MTA1: variants seen among roughly 807,000 people sequenced by gnomAD.
MTA1 encodes the protein metastasis associated 1, also known as metastasis-associated protein MTA1.
In MTA1, 15 loss-of-function variants were observed where a neutral mutation model predicts 97.0. The observed-to-expected ratio is 0.15, with a 90% CI of 0.10 to 0.24. The LOEUF is 0.24. Ranked by LOEUF, MTA1 falls within the 10% of genes least tolerant of loss-of-function variation. The pLI is 1.00. For missense variants in MTA1, 709 were observed against 1,015.1 expected, an observed-to-expected ratio of 0.70 and a Z score of 4.10; for synonymous variants, 435 against 417.5, an observed-to-expected ratio of 1.04 and a Z score of -0.51.
chr14:105,443,262 G>A (rs1310852552), intron 2 of MTA1, among the ~76,000 whole-genome samples: 2 of 152,196 alleles, frequency 1.3e-5, no homozygotes, highest in African/African-American at 4.8e-5. Context: ...ATACAGATGC[G>A]AAGGGGAGAG....
At chr14:105,465,036 C>A in intron 15 of MTA1, 58 bp from the exon 16 acceptor site, 2 of 1,453,428 alleles carry the variant, frequency 1.4e-6, no homozygotes, top group Non-Finnish European at 1.8e-6. Context: ...AAGGCGCAGG[C>A]AGGGTCCCGT....
chr14:105,422,276 G>C lies in MTA1; in HGVS notation c.28+2213G>C, dbSNP rs1328841588. On this transcript the variant is annotated intron_variant, in intron 1 of 20. Transcript: ENST00000331320. The surrounding 1 kb of genome is among the most constrained non-coding windows in gnomAD (Gnocchi z 4.3). ...GGCAGGACCCCGGCAGAGCCCTGTG[G>C]TCGCAGTGGGCTGGGCATTGCAGGT... Among the ~76,000 whole-genome samples, 9 of 152,270 alleles carry C rather than the reference G, an allele frequency of 5.9e-5. No homozygotes were observed. The highest frequency in any genetic ancestry group is 1.7e-4 in the African/African-American group (7 of 41,558).
In MTA1 at chr14:105,420,943, T is replaced by C. The variant is rs2081812918; in HGVS notation, c.28+880T>C. Among the ~76,000 whole-genome samples the C allele has an allele frequency of 6.6e-6, 1 of 152,142 alleles. No homozygotes were observed. The highest frequency in any genetic ancestry group is 1.5e-5 in the Non-Finnish European group (1 of 68,004). The stretch of plus-strand genomic sequence containing the variant: ...CCCTCTCGGGCAGGTGCTCATTACC[T>C]TTCCCACCTGCAGCCTGCGCTGCTG... On this transcript the variant is annotated intron_variant, in intron 1 of 20. Transcript: ENST00000331320. The surrounding 1 kb of genome is among the most constrained non-coding windows in gnomAD (Gnocchi z 5.3).
intron 17 of MTA1, 39 bp downstream of exon 17, chr14:105,466,617 G>C (rs782085544): frequency 6.4e-7 from 1 of 1,568,532 alleles, no homozygotes; most frequent in South Asian, 1.2e-5. Flanking sequence ...GGCCCTCCCC[G>C]CCCGGTGAGT....
rs782074284 is a variant in MTA1 at position 105,422,046 on chromosome 14, C to T, written c.28+1983C>T. Reference sequence around the variant, plus strand: ...GTGCTGTCTGCTGGCAGCACAGCCACGCGTGGGATCCAGACTGCTTCTGCG... The same window carrying T: ...GTGCTGTCTGCTGGCAGCACAGCCATGCGTGGGATCCAGACTGCTTCTGCG... On this transcript the variant is annotated intron_variant, in intron 1 of 20. Transcript: ENST00000331320. This position sits in a 1 kb window ranked among gnomAD's most constrained non-coding sequence, Gnocchi z 4.3. 3.9e-5 allele frequency among the ~76,000 whole-genome samples: 6 copies of T among 152,322 alleles called. No homozygotes were observed. The highest frequency in any genetic ancestry group is 1.9e-4 in the East Asian group (1 of 5,190).
intron 18 of MTA1, chr14:105,468,355 T>C: frequency 6.1e-6 from 8 of 1,304,192 alleles, no homozygotes; most frequent in African/African-American, 1.5e-5. Flanking sequence ...CCTGGGTAAG[T>C]AGTTTTTGTG....
Position 105,429,452 on chromosome 14 carries a change from A to AT in MTA1, c.29-9203dup, listed in dbSNP as rs781947661. Among the ~76,000 whole-genome samples, 267 of 138,482 alleles carry AT rather than the reference A, an allele frequency of 1.9e-3. 2 individuals carry two copies. Among genetic ancestry groups the AT allele is most frequent in the African/African-American group, 3.0e-3 (111 of 37,604 alleles). The allele number at this position is 138,482 out of a possible 152,430, so 90.8% of individuals were successfully genotyped here. A position where few individuals can be genotyped will look rare whatever the true frequency, so the allele number is the denominator to read the frequency against. On this transcript the variant is annotated intron_variant, in intron 1 of 20. Transcript: ENST00000331320. Reference sequence around the variant, plus strand: ...AGGCACCCACCACCACACCCGGCTAATTTTTTTTTTTTTTTTTGAGACAGA... The same window carrying AT: ...AGGCACCCACCACCACACCCGGCTAATTTTTTTTTTTTTTTTTTGAGACAGA...
In MTA1 at chr14:105,469,900, C is replaced by A; in HGVS notation, c.1905C>A (p.Ile635=). The change falls in exon 20 of 21, where the codon ATC becomes ATA. Residue 635 remains isoleucine (I), a synonymous_variant. Transcript: ENST00000331320. ...CCTACCCCACCAAAGTGCGCCTGAT[C>A]CGGGGGGGCTCCCTGCCCCCAGTCA... is the stretch of plus-strand genomic sequence containing the variant. ...GKSYPTKVRL[I]RGGSLPPVKR... is the part of the protein sequence containing the mutation. 1 of 1,611,654 alleles carries A rather than the reference C, an allele frequency of 6.2e-7. No homozygotes were observed. The highest frequency in any genetic ancestry group is 8.5e-7 in the Non-Finnish European group (1 of 1,179,476).
intron 18 of MTA1, chr14:105,468,366 C>T (rs587698094): frequency 7.7e-7 from 1 of 1,304,032 alleles, no homozygotes; most frequent in South Asian, 1.2e-5. Context: ...AGTTTTTGTG[C>T]TACTGGCCAG....
intron 1 of MTA1, among the ~76,000 whole-genome samples, chr14:105,425,812 C>T (rs760130180): frequency 1.3e-5 from 2 of 151,962 alleles, no homozygotes; most frequent in Admixed American, 1.3e-4. Flanking sequence ...CCCAGCACCT[C>T]GCCCCTATAC....
intron 1 of MTA1, among the ~76,000 whole-genome samples, chr14:105,425,610 C>T (rs111918664): frequency 2.6e-4 from 40 of 152,262 alleles, no homozygotes; most frequent in South Asian, 1.9e-3. Context: ...AATGTCTTTC[C>T]TCGTGTGCTA....
intron 7 of MTA1, among the ~76,000 whole-genome samples, chr14:105,456,617 A>G (rs2083164087): frequency 6.6e-6 from 1 of 152,186 alleles, no homozygotes; most frequent in African/African-American, 2.4e-5. Context: ...GTGATGGAAA[A>G]TTGCACACTA....
Position 105,470,355 on chromosome 14 carries a change from C to T in MTA1, c.*140C>T, listed in dbSNP as rs1160620705. ...GCAGAGAAACGCGCTCCTTGGCGGA[C>T]ACTGGGGGAGGAGAGGAAGAAGCGC... On this transcript the variant is annotated 3_prime_UTR_variant, in exon 21 of 21. Transcript: ENST00000331320. 1 of 669,072 alleles carries T rather than the reference C, an allele frequency of 1.5e-6. No individual in the cohort carries two copies. Among genetic ancestry groups the T allele is most frequent in the Non-Finnish European group, 2.3e-6 (1 of 442,284 alleles). 41.4% of individuals were successfully genotyped at this position (669,072 alleles called of 1,614,324 possible).
At chr14:105,458,463 C>A in intron 8 of MTA1, 91 bp downstream of exon 8, 1 of 1,145,922 alleles carries the variant, frequency 8.7e-7, no homozygotes, top group South Asian at 1.3e-5. Context: ...ACGTGACAGT[C>A]TTGGATCCCA....
rs782566094 is a variant in MTA1, at chr14:105,469,998, G to A, written c.1997+6G>A. Reference sequence around the variant, plus strand: ...ATGGCCACAGAGGAGACCAGGTGGGGCCTTCCCAGGGCAGGCGGGAGGGCT... The same window carrying A: ...ATGGCCACAGAGGAGACCAGGTGGGACCTTCCCAGGGCAGGCGGGAGGGCT... On this transcript the variant is annotated splice_donor_region_variant and intron_variant, in intron 20 of 20. Coordinates refer to ENST00000331320, the MANE Select transcript of MTA1 (RefSeq NM_004689.4). The A allele has an allele frequency of 3.1e-6, 5 of 1,612,504 alleles. No homozygotes were observed. The highest frequency in any genetic ancestry group is 1.1e-5 in the South Asian group (1 of 91,072).
At chr14:105,432,877 A>G (rs2082217768) in intron 1 of MTA1, among the ~76,000 whole-genome samples, 1 of 152,154 alleles carries the variant, frequency 6.6e-6, no homozygotes, top group Non-Finnish European at 1.5e-5. Flanking sequence ...GTTACAGCAG[A>G]GTGTCTGCGA....
chr14:105,464,242 C>A, intron 13 of MTA1, 95 bp downstream of exon 13: 1 of 1,429,520 alleles, frequency 7.0e-7, no homozygotes, highest in South Asian at 1.3e-5. Flanking sequence ...GCCCAGCCTG[C>A]AAGGGGCCCA....
rs1555430913 is a variant in MTA1 at position 105,460,943 on chromosome 14, A to G, written c.932A>G (p.Gln311Arg). ...TATGGGAAGGATTTCACGGACATTC[A>G]GCAAGATTTTGTGAGTACCGTGGGT... ...EKYGKDFTDI[Q>R]QDFLPWKSLT... The change falls in exon 10 of 21, where the codon CAG (glutamine) becomes CGG (arginine). Residue 311 changes from glutamine (Q) to arginine (R), a missense_variant. Gln to Arg is a conservative substitution (Grantham distance 43). This residue lies in a region of MTA1 where 321 missense variants were observed against 593.5 expected (regional missense o/e 0.54). Transcript: ENST00000331320. The G allele has an allele frequency of 2.5e-6, 4 of 1,610,948 alleles. No individual in the cohort carries two copies. Among genetic ancestry groups the G allele is most frequent in the Admixed American group, 3.3e-5 (2 of 59,766 alleles).
chr14:105,453,993 C>T (rs1555429258), intron 6 of MTA1, among the ~76,000 whole-genome samples, 200 bp from the exon 7 acceptor site: 2 of 152,174 alleles, frequency 1.3e-5, no homozygotes, highest in Non-Finnish European at 2.9e-5. Flanking sequence ...CAGTGACCCT[C>T]GAGGCCCCGC....
Sources: allele counts gnomAD v4.1 joint callset (sites outside exome capture counted in the v4.1 genomes callset), GRCh38; gene constraint gnomAD v4.1.1; regional missense constraint gnomAD v4.1.1; non-coding constraint Gnocchi (gnomAD v3.1); transcripts MANE v1.5; gene names NCBI Gene and HGNC (gene_info 2026-07-23, HGNC 2026-07-21).